Variants in KIF3A observed in about 807,000 individuals in gnomAD.
The protein encoded by KIF3A is kinesin family member 3A, also known as kinesin-like protein KIF3A.
KIF3A carries 27 observed loss-of-function variants against 92.6 expected under a neutral mutation model. The ratio of observed to expected loss-of-function variants is 0.29; its 90% CI spans 0.21 to 0.40. The LOEUF is 0.40. KIF3A is among the 10% of genes least tolerant of loss of function. The pLI, the probability that KIF3A is intolerant of heterozygous loss-of-function variation, is 1.00. For synonymous variants in KIF3A, 250 were observed against 275.4 expected, an observed-to-expected ratio of 0.91 and a Z score of 0.92; for missense variants, 581 against 872.6, an observed-to-expected ratio of 0.67 and a Z score of 4.21.
At chr5:132,691,717 A>G (rs2149886096), downstream of KIF3A, among the ~76,000 whole-genome samples, 1 of 151,856 alleles carries the variant, frequency 6.6e-6, no homozygotes, top group South Asian at 2.1e-4. Context: ...AGCCTGAACA[A>G]CATGGTGAAA....
intron 18 of KIF3A, among the ~76,000 whole-genome samples, chr5:132,697,272 T>G (rs910970954): frequency 1.3e-5 from 2 of 152,116 alleles, no homozygotes; most frequent in Admixed American, 6.5e-5. Flanking sequence ...TTTCTTAGGG[T>G]TTCCATGGTT....
At chr5:132,719,599 C>G (rs1025772435) in intron 5 of KIF3A, among the ~76,000 whole-genome samples, 3 of 151,656 alleles carry the variant, frequency 2.0e-5, no homozygotes, top group Non-Finnish European at 2.9e-5. Context: ...TAAAACGATT[C>G]TCCTGCCACA....
At position 132,708,945 on chromosome 5, in the gene KIF3A, C is replaced by T; in HGVS notation, c.1262G>A (p.Cys421Tyr). ...ATCCAGAGGTTTCTCTATGACAGAA[C>T]ATGTGGAGTCTGAACTACTGCTGCT... ...SSSSSSSDST[C>Y]SVIEKPLDKF... is the part of the protein sequence containing the mutation. Residue 421 changes from cysteine (C) to tyrosine (Y), a missense_variant, in exon 10 of 19, where the codon TGT becomes TAT. Physicochemically the swap from Cys to Tyr is radical, Grantham distance 194 (BLOSUM62 -2). This residue lies in a region of KIF3A where 167 missense variants were observed against 205.8 expected (regional missense o/e 0.81). Transcript: ENST00000403231. 1 of 1,550,310 alleles carries T rather than the reference C, an allele frequency of 6.5e-7. No individual in the cohort carries two copies. The highest frequency in any genetic ancestry group is 8.7e-7 in the Non-Finnish European group (1 of 1,146,834).
intron 7 of KIF3A, 85 bp downstream of exon 7, chr5:132,716,159 TA>T: frequency 8.4e-7 from 1 of 1,185,358 alleles, no homozygotes; most frequent in Non-Finnish European, 1.2e-6. Flanking sequence ...TAATCAAGTT[TA>T]AAAAATGTGA....
At chr5:132,733,301 A>G (rs1447845112) in intron 2 of KIF3A, among the ~76,000 whole-genome samples, 1 of 152,198 alleles carries the variant, frequency 6.6e-6, no homozygotes, top group Non-Finnish European at 1.5e-5. Flanking sequence ...AGCTACCTAA[A>G]GAAATCAATT....
At chr5:132,708,304 A>C (rs965196320) in intron 10 of KIF3A, among the ~76,000 whole-genome samples, 5 of 151,808 alleles carry the variant, frequency 3.3e-5, no homozygotes, top group Admixed American at 6.6e-5. Flanking sequence ...AAAAAAAGAA[A>C]GAACTTTTCT....
Position 132,702,072 on chromosome 5 carries a change from GA to G in KIF3A, c.1884+14del. The G allele has an allele frequency of 6.2e-7, 1 of 1,603,310 alleles. No individual in the cohort carries two copies. Among genetic ancestry groups the G allele is most frequent in the South Asian group, 1.1e-5 (1 of 89,804 alleles). On this transcript the variant is annotated intron_variant, in intron 15 of 18. Coordinates refer to ENST00000403231, the MANE Select transcript of KIF3A (RefSeq NM_001300791.2). The stretch of plus-strand genomic sequence containing the variant: ...CAGTCAAGCGACTATCTCGGTCAGA[GA>G]ACTTCCTTTTTACCTGATAATCCCG...
At chr5:132,719,827 T>C (rs866903948) in intron 5 of KIF3A, among the ~76,000 whole-genome samples, 7 of 152,158 alleles carry the variant, frequency 4.6e-5, no homozygotes, top group Admixed American at 2.6e-4. Flanking sequence ...TCACCAGTAC[T>C]AGGTTTGAGG....
chr5:132,725,866 C>A (rs1754016087), intron 4 of KIF3A, among the ~76,000 whole-genome samples: 1 of 152,078 alleles, frequency 6.6e-6, no homozygotes, highest in Non-Finnish European at 1.5e-5. Flanking sequence ...CAGTATTAAC[C>A]TTTTCCTTGC....
chr5:132,712,463 A>C (rs1353091046), intron 8 of KIF3A, among the ~76,000 whole-genome samples: 1 of 152,244 alleles, frequency 6.6e-6, no homozygotes, highest in Non-Finnish European at 1.5e-5. Flanking sequence ...TAAATAAACA[A>C]ATGGGAATGA....
At chr5:132,720,582 T>G in intron 5 of KIF3A, 27 bp downstream of exon 5, 1 of 1,444,860 alleles carries the variant, frequency 6.9e-7, no homozygotes. Flanking sequence ...ACACAGATGC[T>G]TAATCACAAT....
chr5:132,728,752 T>C (rs1180353618), intron 2 of KIF3A, among the ~76,000 whole-genome samples: 1 of 150,996 alleles, frequency 6.6e-6, no homozygotes, highest in Non-Finnish European at 1.5e-5. Context: ...ATACAATAAA[T>C]AAATAAATAA....
intron 9 of KIF3A, 140 bp downstream of exon 9, chr5:132,710,819 A>T: frequency 1.8e-6 from 2 of 1,130,482 alleles, no homozygotes; most frequent in Admixed American, 2.6e-5. Context: ...ATGCAAAGTT[A>T]ACCAGGTAAA....
Position 132,737,318 on chromosome 5 carries a change from C to G in KIF3A, c.6+96G>C, listed in dbSNP as rs540363692. 7 of 1,401,472 alleles carry G rather than the reference C, an allele frequency of 5.0e-6. No individual in the cohort carries two copies. The South Asian group carries it at 9.3e-5, about 19-fold the overall frequency. 86.8% of individuals were successfully genotyped at this position (1,401,472 alleles called of 1,614,324 possible). ...CGAGCCTGCCCCGCCCCACCCAGGC[C>G]GCCTGCCGGCTCCGCGCCTCCATGG... On this transcript the variant is annotated intron_variant, in intron 1 of 18. Transcript: ENST00000403231.
intron 2 of KIF3A, among the ~76,000 whole-genome samples, chr5:132,727,287 A>G (rs926003492): frequency 2.0e-5 from 3 of 152,376 alleles, no homozygotes; most frequent in Middle Eastern, 3.4e-3. Context: ...GACAAACACA[A>G]TCCCTAATCT....
rs929059475 is a variant in KIF3A at position 132,714,307 on chromosome 5, G to A, written c.1129+1450C>T. Among the ~76,000 whole-genome samples the A allele has an allele frequency of 2.6e-5, 4 of 152,232 alleles. No individual in the cohort carries two copies. The South Asian group carries it at 8.3e-4, about 32-fold the overall frequency. Reference sequence around the variant, plus strand: ...AATGGGTACATACTGTTTTTAATGAGTACAAAGTTTCAATTTTGCAAGAAG... The same window carrying A: ...AATGGGTACATACTGTTTTTAATGAATACAAAGTTTCAATTTTGCAAGAAG... On this transcript the variant is annotated intron_variant, in intron 8 of 18. Coordinates refer to ENST00000403231, the MANE Select transcript of KIF3A (RefSeq NM_001300791.2).
intron 2 of KIF3A, among the ~76,000 whole-genome samples, chr5:132,731,323 A>T (rs911753384): frequency 6.6e-5 from 10 of 152,190 alleles, no homozygotes; most frequent in Admixed American, 2.6e-4. Context: ...ATGCATCATG[A>T]CCAAGTGGCA....
At chr5:132,703,142 A>T in intron 12 of KIF3A, 77 bp from the exon 13 acceptor site, 1 of 1,233,166 alleles carries the variant, frequency 8.1e-7, no homozygotes, top group Non-Finnish European at 1.1e-6. Context: ...AAAATTTAAA[A>T]TTTGGATATA....
intron 9 of KIF3A, 39 bp from the exon 10 acceptor site, chr5:132,709,017 A>T: frequency 3.5e-6 from 5 of 1,426,986 alleles, no homozygotes; most frequent in Non-Finnish European, 4.8e-6. Context: ...GAACCAAAGA[A>T]AGAGGAAACA....
Sources: gnomAD v4.1 joint callset for allele counts (sites outside exome capture counted in the v4.1 genomes callset) on GRCh38, gnomAD v4.1.1 for gene constraint, gnomAD v4.1.1 regional missense constraint, MANE v1.5 for transcripts, NCBI Gene and HGNC (gene_info 2026-07-23, HGNC 2026-07-21) for gene names.